The following SGIP1 variants were observed in gnomAD, a reference collection of about 807,000 sequenced individuals.
SGIP1 encodes SH3GL interacting endocytic adaptor 1, also known as SH3-containing GRB2-like protein 3-interacting protein 1.
SGIP1 carries 38 observed loss-of-function variants against 107.5 expected under a neutral mutation model. The observed-to-expected ratio is 0.35, with a 90% confidence interval of 0.27 to 0.46. SGIP1 has a LOEUF of 0.46. Ranked by LOEUF, SGIP1 falls within the 20% of genes least tolerant of loss-of-function variation. The pLI is 1.00. For missense variants in SGIP1, 929 were observed against 1,019.5 expected, an observed-to-expected ratio of 0.91 and a Z score of 1.21; for synonymous variants, 365 against 366.1, an observed-to-expected ratio of 1.00 and a Z score of 0.03.
intron 21 of SGIP1, among the ~76,000 whole-genome samples, chr1:66,737,699 T>C (rs2094314954): frequency 6.6e-6 from 1 of 152,208 alleles, no homozygotes; most frequent in Admixed American, 6.5e-5. Flanking sequence ...TATAAGAAGC[T>C]AATAATAGCC....
At chr1:66,625,759 T>A (rs1479275030) in intron 1 of SGIP1, 88 bp from the exon 2 acceptor site, 1 of 1,120,180 alleles carries the variant, frequency 8.9e-7, no homozygotes, top group East Asian at 2.4e-5. Flanking sequence ...TCTAAACATT[T>A]AAGTCTAACT....
chr1:66,683,839 G>A (rs6664597), intron 15 of SGIP1, among the ~76,000 whole-genome samples: 16,848 of 150,702 alleles, frequency 0.11, 1,028 homozygotes, highest in South Asian at 0.16. Flanking sequence ...GAGTAGCTGG[G>A]ATTATAGGTG....
chr1:66,538,011 T>C (rs377527174), intron 1 of SGIP1, among the ~76,000 whole-genome samples: 2 of 152,180 alleles, frequency 1.3e-5, no homozygotes, highest in East Asian at 1.9e-4. Flanking sequence ...GTTTTAAATA[T>C]GAATATTGAC....
At chr1:66,662,630 C>T (rs923804564) in intron 8 of SGIP1, among the ~76,000 whole-genome samples, 18 of 151,990 alleles carry the variant, frequency 1.2e-4, no homozygotes, top group Non-Finnish European at 7.4e-5. Flanking sequence ...AGAAATATAC[C>T]ACATTCTAGA....
At chr1:66,655,700 C>G (rs1449231620) in intron 7 of SGIP1, among the ~76,000 whole-genome samples, 3 of 151,998 alleles carry the variant, frequency 2.0e-5, no homozygotes, top group Non-Finnish European at 4.4e-5. Context: ...TGTATCCAAA[C>G]ATAGAAAAAG....
chr1:66,666,835 G>A (rs2082662075), intron 8 of SGIP1: 1 of 152,060 alleles, frequency 6.6e-6, no homozygotes, highest in African/African-American at 2.4e-5. Flanking sequence ...GTTTTCTAAG[G>A]TCATCTGGTC....
In SGIP1 at chr1:66,534,341, G is replaced by A; in HGVS notation, c.-18G>A. 1 of 1,614,110 alleles carries A rather than the reference G, an allele frequency of 6.2e-7. No homozygotes were observed. Among genetic ancestry groups the A allele is most frequent in the East Asian group, 2.2e-5 (1 of 44,884 alleles). Reference sequence around the variant, plus strand: ...TTTTTCAGACTCCTTGGAAATTAAGGAATGCAATTCTGCCACCATGATGGA... The same window carrying A: ...TTTTTCAGACTCCTTGGAAATTAAGAAATGCAATTCTGCCACCATGATGGA... On this transcript the variant is annotated 5_prime_UTR_variant, in exon 1 of 25. Transcript: ENST00000371037.
At chr1:66,672,591 G>A (rs2084090680) in intron 11 of SGIP1, among the ~76,000 whole-genome samples, 1 of 152,088 alleles carries the variant, frequency 6.6e-6, no homozygotes, top group Non-Finnish European at 1.5e-5. Context: ...ATACCACATA[G>A]ACCTCACTGG....
intron 17 of SGIP1, among the ~76,000 whole-genome samples, chr1:66,692,094 G>A (rs2089983133): frequency 6.6e-6 from 1 of 150,874 alleles, no homozygotes; most frequent in Non-Finnish European, 1.5e-5. Context: ...GGGAGGCAGA[G>A]GTTGCAGTGA....
intron 1 of SGIP1, among the ~76,000 whole-genome samples, chr1:66,613,704 T>G (rs983584174): frequency 3.3e-5 from 5 of 152,190 alleles, no homozygotes; most frequent in Non-Finnish European, 7.3e-5. Flanking sequence ...TTCATGTCAC[T>G]CTTCACCTCA....
At chr1:66,653,153 T>C (rs1199594606) in intron 7 of SGIP1, among the ~76,000 whole-genome samples, 2 of 152,214 alleles carry the variant, frequency 1.3e-5, no homozygotes. Context: ...ACTTTTGTTT[T>C]TCCCAGGACT....
intron 1 of SGIP1, among the ~76,000 whole-genome samples, chr1:66,578,180 T>A (rs1440391978): frequency 6.6e-6 from 1 of 152,200 alleles, no homozygotes; most frequent in African/African-American, 2.4e-5. Flanking sequence ...CCCAGTCTTG[T>A]CTATCACCAG....
chr1:66,616,115 T>C (rs7551301), intron 1 of SGIP1: 33,276 of 152,160 alleles, frequency 0.22, 4,090 homozygotes, highest in East Asian at 0.32. Flanking sequence ...GTTATACTTC[T>C]TGTTGTGAGT....
At chr1:66,638,240 G>A (rs559874584) in intron 4 of SGIP1, among the ~76,000 whole-genome samples, 12 of 152,146 alleles carry the variant, frequency 7.9e-5, no homozygotes, top group Non-Finnish European at 1.6e-4. Flanking sequence ...GAAAATAGGA[G>A]CCCTGTCTAT....
rs2094603264 is a variant in SGIP1 at position 66,750,030 on chromosome 1, T to TGG, written c.*6936_*6937insGG. Among the ~76,000 whole-genome samples, 2 of 56,206 alleles carry TGG rather than the reference T, an allele frequency of 3.6e-5. No homozygotes were observed. Among genetic ancestry groups the TGG allele is most frequent in the African/African-American group, 1.7e-4 (2 of 11,886 alleles). The allele number at this position is 56,206 out of a possible 152,430, so 36.9% of individuals were successfully genotyped here. ...CTCTCTCTCTCTTTCTCTGTGTGTGTGTGGGGGTGTGTGTGTGTGTGTGTG... is the reference window on the plus strand; with the variant it reads ...CTCTCTCTCTCTTTCTCTGTGTGTGTGGGTGGGGGTGTGTGTGTGTGTGTGTG... On this transcript the variant is annotated 3_prime_UTR_variant, in exon 25 of 25. Transcript: ENST00000371037.
chr1:66,557,650 G>A (rs1383168091), intron 1 of SGIP1, among the ~76,000 whole-genome samples: 1 of 152,100 alleles, frequency 6.6e-6, no homozygotes, highest in Non-Finnish European at 1.5e-5. Context: ...TAACGAAAAG[G>A]AGGAATAATT....
At chr1:66,634,255 G>C in intron 3 of SGIP1, 1 of 936,036 alleles carries the variant, frequency 1.1e-6, no homozygotes, top group Non-Finnish European at 1.7e-6. Flanking sequence ...AGCTCTGTTA[G>C]CTACTCTGCT....
intron 20 of SGIP1, among the ~76,000 whole-genome samples, chr1:66,730,940 C>A (rs2093981216): frequency 6.6e-6 from 1 of 152,176 alleles, no homozygotes; most frequent in South Asian, 2.1e-4. Context: ...CTATCCCATT[C>A]TCCTCCCCAT....
chr1:66,563,663 T>C (rs1459681947), intron 1 of SGIP1, among the ~76,000 whole-genome samples: 1 of 151,962 alleles, frequency 6.6e-6, no homozygotes, highest in Non-Finnish European at 1.5e-5. Flanking sequence ...GTTTACTTCC[T>C]CCCAGCAGTG....
Sources: gnomAD v4.1 joint callset for allele counts (sites outside exome capture counted in the v4.1 genomes callset) on GRCh38, gnomAD v4.1.1 for gene constraint, MANE v1.5 for transcripts, NCBI Gene and HGNC (gene_info 2026-07-23, HGNC 2026-07-21) for gene names.